The following FHIT variants were observed in gnomAD, a reference collection of about 807,000 sequenced individuals.
FHIT encodes the protein fragile histidine triad diadenosine triphosphatase.
A neutral mutation model predicts 17.9 loss-of-function variants in FHIT; 19 were observed. The observed-to-expected ratio is 1.06, with a 90% CI of 0.74 to 1.56. The LOEUF is 1.56. Ranked by LOEUF, FHIT falls within the 40% of genes most tolerant of loss-of-function variation. The pLI is 0.00. For synonymous variants in FHIT, 81 were observed against 69.7 expected (o/e 1.16, Z -0.81); for missense variants, 248 against 189.2 (o/e 1.31, Z -1.82).
intron 3 of FHIT, among the ~76,000 whole-genome samples, chr3:60,943,439 T>C (rs1470872090): frequency 2.6e-5 from 4 of 152,186 alleles, no homozygotes; most frequent in Non-Finnish European, 5.9e-5. Flanking sequence ...ATTTGAATGA[T>C]ATTTATATGA....
chr3:60,282,470 C>G (rs1707507163), intron 5 of FHIT, among the ~76,000 whole-genome samples: 1 of 152,074 alleles, frequency 6.6e-6, no homozygotes, highest in Non-Finnish European at 1.5e-5. Flanking sequence ...GTAGACTATT[C>G]TATACGAAAC....
At chr3:60,107,749 G>T (rs1415733404) in intron 5 of FHIT, among the ~76,000 whole-genome samples, 1 of 152,134 alleles carries the variant, frequency 6.6e-6, no homozygotes, top group Non-Finnish European at 1.5e-5. Context: ...CACTTATGAG[G>T]TCTGATATCA....
intron 7 of FHIT, among the ~76,000 whole-genome samples, chr3:59,948,091 A>T (rs890808997): frequency 2.6e-5 from 4 of 152,084 alleles, no homozygotes; most frequent in Non-Finnish European, 1.5e-5. Flanking sequence ...GCTACTATAA[A>T]CTACCTGTGA....
chr3:60,448,991 A>G (rs1009959001), intron 5 of FHIT, among the ~76,000 whole-genome samples: 1 of 152,166 alleles, frequency 6.6e-6, no homozygotes, highest in African/African-American at 2.4e-5. Flanking sequence ...AAAATGAAGC[A>G]TCTGGTCTGC....
At chr3:61,138,450 G>A (rs1435975801) in intron 2 of FHIT, among the ~76,000 whole-genome samples, 1 of 152,206 alleles carries the variant, frequency 6.6e-6, no homozygotes. Context: ...TAGGATTACA[G>A]CTGGGCCTTT....
At chr3:61,187,865 G>A (rs1053703333) in intron 2 of FHIT, among the ~76,000 whole-genome samples, 1 of 152,180 alleles carries the variant, frequency 6.6e-6, no homozygotes, top group Non-Finnish European at 1.5e-5. Flanking sequence ...TAGAAATAAA[G>A]ATGTTCTTTG....
intron 5 of FHIT, among the ~76,000 whole-genome samples, chr3:60,418,303 AATT>A (rs1156982998): frequency 1.3e-5 from 2 of 148,722 alleles, no homozygotes; most frequent in African/African-American, 5.0e-5. Context: ...AATTTTACAT[AATT>A]ATGTCATGCT....
At chr3:61,136,831 T>C (rs930194160) in intron 2 of FHIT, among the ~76,000 whole-genome samples, 3 of 152,164 alleles carry the variant, frequency 2.0e-5, no homozygotes, top group African/African-American at 4.8e-5. Context: ...GAGGACAACA[T>C]AGAAACATGG....
intron 3 of FHIT, among the ~76,000 whole-genome samples, chr3:60,971,849 T>G (rs2107530678): frequency 6.6e-6 from 1 of 152,292 alleles, no homozygotes; most frequent in Non-Finnish European, 1.5e-5. Flanking sequence ...GGAATCCTAT[T>G]ATCAAGAGAA....
At chr3:61,099,235 T>G (rs2035741897) in intron 2 of FHIT, among the ~76,000 whole-genome samples, 1 of 152,234 alleles carries the variant, frequency 6.6e-6, no homozygotes, top group Non-Finnish European at 1.5e-5. Flanking sequence ...TGGATTTGCA[T>G]ATGTTGAACT....
intron 3 of FHIT, among the ~76,000 whole-genome samples, chr3:61,026,358 T>G (rs867197570): frequency 4.6e-5 from 7 of 152,276 alleles, no homozygotes; most frequent in South Asian, 4.1e-4. Context: ...TCTCCGAGCC[T>G]TGGTTTCCTC....
chr3:60,531,919 G>A (rs1181293914), intron 5 of FHIT, among the ~76,000 whole-genome samples: 2 of 152,114 alleles, frequency 1.3e-5, no homozygotes, highest in East Asian at 3.9e-4. Flanking sequence ...GGATCTTGGA[G>A]CACTGTTTGC....
intron 2 of FHIT, among the ~76,000 whole-genome samples, chr3:61,135,921 T>C (rs1160262822): frequency 6.6e-6 from 1 of 152,034 alleles, no homozygotes; most frequent in Non-Finnish European, 1.5e-5. Context: ...AGGGAAAAAC[T>C]AAAAGCATCT....
rs547886114 is a variant in FHIT, at chr3:60,601,417, C to T, written c.-17-64438G>A. Among the ~76,000 whole-genome samples the T allele has an allele frequency of 1.3e-4, 20 of 152,270 alleles. No homozygotes were observed. The South Asian group carries it at 3.9e-3, about 30-fold the overall frequency. On this transcript the variant is annotated intron_variant, in intron 4 of 9. Transcript: ENST00000492590. Reference sequence around the variant, plus strand: ...TTAAATGATGTTGCTGGTCTGAAGACCACATTCTGAAAATCAGTCATCTTT... The same window carrying T: ...TTAAATGATGTTGCTGGTCTGAAGATCACATTCTGAAAATCAGTCATCTTT...
At chr3:60,555,360 C>A (rs576901897) in intron 4 of FHIT, among the ~76,000 whole-genome samples, 1 of 152,198 alleles carries the variant, frequency 6.6e-6, no homozygotes, top group Admixed American at 6.5e-5. Context: ...ATAGAGCTTC[C>A]CAACTTCAGC....
intron 4 of FHIT, among the ~76,000 whole-genome samples, chr3:60,753,685 A>G (rs1326205408): frequency 6.6e-6 from 1 of 152,338 alleles, no homozygotes; most frequent in East Asian, 1.9e-4. Flanking sequence ...TAAACTCTGA[A>G]GTACCTCTTG....
chr3:60,475,884 C>A (rs1315736637), intron 5 of FHIT, among the ~76,000 whole-genome samples: 1 of 152,102 alleles, frequency 6.6e-6, no homozygotes, highest in Non-Finnish European at 1.5e-5. Flanking sequence ...CCCTTCCAGT[C>A]CCCTTCAGCG....
intron 4 of FHIT, among the ~76,000 whole-genome samples, chr3:60,729,590 T>C (rs1553710612): frequency 6.6e-6 from 1 of 152,158 alleles, no homozygotes; most frequent in Non-Finnish European, 1.5e-5. Flanking sequence ...GGATTCATAC[T>C]ATTGTTTCTC....
intron 5 of FHIT, among the ~76,000 whole-genome samples, chr3:60,365,898 T>C (rs1024361611): frequency 1.3e-5 from 2 of 152,188 alleles, no homozygotes; most frequent in Admixed American, 6.5e-5. Flanking sequence ...AACAAACAGC[T>C]TGATCCATGC....
Sources: allele counts gnomAD v4.1 joint callset (sites outside exome capture counted in the v4.1 genomes callset), GRCh38; gene constraint gnomAD v4.1.1; transcripts MANE v1.5; gene names NCBI Gene and HGNC (gene_info 2026-07-23, HGNC 2026-07-21).